The following OPRM1 variants were observed in gnomAD, a reference collection of about 807,000 sequenced individuals.
OPRM1 encodes the protein opioid receptor mu 1.
Under a neutral mutation model 31.8 loss-of-function variants are expected in OPRM1, and 27 were observed. The observed-to-expected ratio is 0.85, with a 90% confidence interval of 0.63 to 1.17. The LOEUF is 1.17. OPRM1 is among the 50% of genes most tolerant of loss of function. The probability of loss-of-function intolerance (pLI) is 0.00; values close to 1 mark genes in which losing one functional copy is unlikely to be tolerated. For synonymous variants in OPRM1, 196 were observed against 189.9 expected (o/e 1.03, Z -0.26); for missense variants, 536 against 511.1 (o/e 1.05, Z -0.47).
chr6:154,189,655 T>C (rs1249048767), intron 3 of OPRM1, among the ~76,000 whole-genome samples: 1 of 152,194 alleles, frequency 6.6e-6, no homozygotes, highest in Non-Finnish European at 1.5e-5. Flanking sequence ...ACTAGTATAA[T>C]GAATATATTC....
intron 3 of OPRM1, among the ~76,000 whole-genome samples, chr6:154,210,719 A>C (rs889559244): frequency 6.6e-6 from 1 of 152,236 alleles, no homozygotes; most frequent in Non-Finnish European, 1.5e-5. Context: ...TATAGTAAGA[A>C]AGAATAATAT....
chr6:154,135,808 C>A (rs756074572), downstream of OPRM1, among the ~76,000 whole-genome samples: 1 of 152,190 alleles, frequency 6.6e-6, no homozygotes, highest in Non-Finnish European at 1.5e-5. Context: ...GCCTGGTACT[C>A]CCAGCAGTGC....
chr6:154,155,559 G>C (rs1276067800), intron 3 of OPRM1: 1 of 152,264 alleles, frequency 6.6e-6, no homozygotes, highest in Non-Finnish European at 1.5e-5. Flanking sequence ...CACTCTGGGA[G>C]GCAGAGGCAG....
exon 1 of OPRM1, chr6:154,010,657 G>A: frequency 6.7e-7 from 1 of 1,483,416 alleles, no homozygotes; most frequent in Non-Finnish European, 9.0e-7. Context: ...AAACTCACTG[G>A]AAGATAGGAA....
At chr6:154,071,730 G>A (rs1786781262) in intron 1 of OPRM1, among the ~76,000 whole-genome samples, 1 of 152,150 alleles carries the variant, frequency 6.6e-6, no homozygotes, top group African/African-American at 2.4e-5. Context: ...TTTTTATCTA[G>A]GAGGAAGAAT....
intron 3 of OPRM1, among the ~76,000 whole-genome samples, chr6:154,234,812 C>A (rs1779986814): frequency 6.6e-6 from 1 of 152,126 alleles, no homozygotes; most frequent in African/African-American, 2.4e-5. Context: ...GTCTGACATA[C>A]AAAGATAGTA....
intron 3 of OPRM1, among the ~76,000 whole-genome samples, chr6:154,222,049 A>G (rs1204913434): frequency 6.6e-6 from 1 of 152,242 alleles, no homozygotes; most frequent in Non-Finnish European, 1.5e-5. Context: ...TCAATCAAAT[A>G]TACAGAAGAA....
chr6:154,136,711 A>T (rs1798069822), downstream of OPRM1, among the ~76,000 whole-genome samples: 1 of 152,136 alleles, frequency 6.6e-6, no homozygotes, highest in South Asian at 2.1e-4. Flanking sequence ...TACTTCAAAT[A>T]CATGGGGAGA....
intron 3 of OPRM1, among the ~76,000 whole-genome samples, chr6:154,152,390 A>AAG (rs1193986554): frequency 2.1e-4 from 26 of 126,262 alleles, no homozygotes; most frequent in African/African-American, 8.0e-4. Flanking sequence ...GAAAGAAAGA[A>AAG]AGAGAAATAG....
At chr6:154,030,899 T>C (rs927486124) in intron 1 of OPRM1, among the ~76,000 whole-genome samples, 2 of 151,806 alleles carry the variant, frequency 1.3e-5, no homozygotes, top group Middle Eastern at 3.2e-3. Context: ...ATGAAAGCAG[T>C]CACAGAACAG....
chr6:154,235,547 A>AAAAT (rs1554297361), intron 3 of OPRM1, among the ~76,000 whole-genome samples: 4 of 149,736 alleles, frequency 2.7e-5, no homozygotes, highest in South Asian at 4.3e-4. Flanking sequence ...AAAAAAAAAA[A>AAAAT]AAAAGTAATG....
chr6:154,019,747 C>CTTTTCTTTTCTTTTTT (rs61209522), intron 1 of OPRM1, among the ~76,000 whole-genome samples: 5 of 121,990 alleles, frequency 4.1e-5, no homozygotes, highest in African/African-American at 1.7e-4. Flanking sequence ...CTTTTCTTTT[C>CTTTTCTTTTCTTTTTT]TTTTTTTTTT....
rs183027525 is a variant in OPRM1 at position 154,066,044 on chromosome 6, C to T, written c.291-23782C>T. Among the ~76,000 whole-genome samples, 395 of 152,174 alleles carry T rather than the reference C, an allele frequency of 2.6e-3. 4 individuals carry two copies. The highest frequency in any genetic ancestry group is 1.7e-3 in the Non-Finnish European group (113 of 67,972). ...AGATTATCATGTGGTTTATTTTCTT[C>T]GTTCTGTTAATCTGATATATTACAT... On this transcript the variant is annotated intron_variant, in intron 1 of 3. Coordinates refer to ENST00000330432, the MANE Select transcript of OPRM1 (RefSeq NM_000914.5).
At chr6:154,196,096 G>C (rs1236170352) in intron 3 of OPRM1, among the ~76,000 whole-genome samples, 1 of 151,916 alleles carries the variant, frequency 6.6e-6, no homozygotes, top group Non-Finnish European at 1.5e-5. Flanking sequence ...AGTCCCCCTG[G>C]TTCACATTTT....
rs919994795 is a variant in OPRM1 at position 154,089,604 on chromosome 6, A to G, written c.291-222A>G. Among the ~76,000 whole-genome samples, 23 of 150,618 alleles carry G rather than the reference A, an allele frequency of 1.5e-4. 1 individual carries two copies. Among genetic ancestry groups the G allele is most frequent in the Admixed American group, 1.1e-3 (17 of 15,000 alleles). On this transcript the variant is annotated intron_variant, in intron 1 of 3. Transcript: ENST00000330432. Reference sequence around the variant, plus strand: ...CCTATCCAAAAAAAAAAAAAAAGGAAGAAACTCAACAAAGCAGCATCGTTG... The same window carrying G: ...CCTATCCAAAAAAAAAAAAAAAGGAGGAAACTCAACAAAGCAGCATCGTTG...
chr6:154,116,596 AAAAAGAAAAG>A (rs1279545004), intron 3 of OPRM1, among the ~76,000 whole-genome samples: 4 of 151,896 alleles, frequency 2.6e-5, no homozygotes, highest in African/African-American at 9.7e-5. Context: ...AAAAAAAAAA[AAAAAGAAAAG>A]AAAAGAAAAG....
At chr6:154,041,938 C>A (rs1038792487) in intron 1 of OPRM1, among the ~76,000 whole-genome samples, 60 of 152,116 alleles carry the variant, frequency 3.9e-4, no homozygotes, top group African/African-American at 1.3e-3. Flanking sequence ...GTGAAATGAG[C>A]AGATTGGTCT....
rs1039517236 is a variant in OPRM1, at chr6:154,126,750, G to A, written c.*8029G>A. On this transcript the variant is annotated 3_prime_UTR_variant, in exon 4 of 4. Transcript: ENST00000330432. ...GTACAGCCTTCAGTAATGCCTCAAA[G>A]GTTCTCCAAGCAGAGGTAAACATGT... 2.0e-5 allele frequency among the ~76,000 whole-genome samples: 3 copies of A among 152,098 alleles called. No individual in the cohort carries two copies. The highest frequency in any genetic ancestry group is 4.8e-5 in the African/African-American group (2 of 41,408).
At chr6:154,144,680 G>A (rs1798313157) in intron 3 of OPRM1, among the ~76,000 whole-genome samples, 1 of 146,246 alleles carries the variant, frequency 6.8e-6, no homozygotes, top group African/African-American at 2.5e-5. Context: ...CTCAGGAGGT[G>A]TAGGTTGCTG....
Sources: allele counts gnomAD v4.1 joint callset (sites outside exome capture counted in the v4.1 genomes callset), GRCh38; gene constraint gnomAD v4.1.1; transcripts MANE v1.5; gene names NCBI Gene and HGNC (gene_info 2026-07-23, HGNC 2026-07-21).